The following TRPM6 variants were observed in gnomAD, a reference collection of about 807,000 sequenced individuals.
TRPM6 encodes transient receptor potential cation channel subfamily M member 6, also known as channel kinase 2.
A neutral mutation model predicts 247.6 loss-of-function variants in TRPM6; 111 were observed. The ratio of observed to expected loss-of-function variants is 0.45; its 90% CI spans 0.38 to 0.52. The LOEUF is 0.52. Ranked by LOEUF, TRPM6 falls within the 20% of genes least tolerant of loss-of-function variation. The probability of loss-of-function intolerance (pLI) is 0.00; values close to 1 mark genes in which losing one functional copy is unlikely to be tolerated. For synonymous variants in TRPM6, 892 were observed against 853.8 expected (o/e 1.04, Z -0.78); for missense variants, 2,126 against 2,421.5 (o/e 0.88, Z 2.56).
intron 36 of TRPM6, among the ~76,000 whole-genome samples, chr9:74,735,115 G>T (rs1487881237): frequency 1.3e-5 from 2 of 152,002 alleles, no homozygotes; most frequent in Non-Finnish European, 2.9e-5. Flanking sequence ...AGTTAACTCG[G>T]GAAGCTGAGG....
At chr9:74,774,370 C>G (rs776665614) in intron 24 of TRPM6, among the ~76,000 whole-genome samples, 2 of 152,156 alleles carry the variant, frequency 1.3e-5, no homozygotes, top group Non-Finnish European at 2.9e-5. Context: ...GGACGTCTCT[C>G]TATTAGCGGC....
chr9:74,817,743 G>C (rs936985189), intron 9 of TRPM6, among the ~76,000 whole-genome samples: 2 of 151,798 alleles, frequency 1.3e-5, no homozygotes, highest in Non-Finnish European at 2.9e-5. Context: ...CAAAAAAAGG[G>C]GGGGGGAGTC....
chr9:74,761,660 C>A (rs1224550074), intron 27 of TRPM6, 36 bp downstream of exon 27: 5 of 1,379,782 alleles, frequency 3.6e-6, no homozygotes, highest in Admixed American at 1.7e-5. Flanking sequence ...ACCTTGACTG[C>A]TCAAAACCTA....
chr9:74,763,744 G>C (rs1274180829), intron 25 of TRPM6, among the ~76,000 whole-genome samples: 1 of 152,160 alleles, frequency 6.6e-6, no homozygotes, highest in Non-Finnish European at 1.5e-5. Context: ...AATTTTTAAA[G>C]TTGTTTTGAA....
chr9:74,815,861 A>G (rs2117936680), intron 11 of TRPM6, among the ~76,000 whole-genome samples: 1 of 152,358 alleles, frequency 6.6e-6, no homozygotes, highest in East Asian at 1.9e-4. Context: ...GCTTGGCCCA[A>G]AAATAATATA....
intron 25 of TRPM6, among the ~76,000 whole-genome samples, chr9:74,766,908 C>A (rs1460422560): frequency 6.6e-6 from 1 of 151,794 alleles, no homozygotes; most frequent in Non-Finnish European, 1.5e-5. Context: ...GAAACTCCGT[C>A]TCAAAAAAAA....
intron 25 of TRPM6, among the ~76,000 whole-genome samples, chr9:74,769,896 T>C (rs1364686624): frequency 6.6e-6 from 1 of 152,044 alleles, no homozygotes; most frequent in East Asian, 1.9e-4. Flanking sequence ...CTCCGTAAGC[T>C]CCTAATACGA....
At chr9:74,792,322 G>C (rs1323626252) in intron 19 of TRPM6, among the ~76,000 whole-genome samples, 1 of 152,128 alleles carries the variant, frequency 6.6e-6, no homozygotes, top group Non-Finnish European at 1.5e-5. Flanking sequence ...TTTAGAGACA[G>C]GAGCAAAGCT....
At chr9:74,800,076 C>T (rs1828260634) in intron 17 of TRPM6, 178 bp downstream of exon 17, 2 of 648,684 alleles carry the variant, frequency 3.1e-6, no homozygotes, top group South Asian at 3.7e-5. Context: ...AGAGGAAGAC[C>T]AATCTTCTGT....
chr9:74,745,188 G>A (rs1825993750), intron 31 of TRPM6, among the ~76,000 whole-genome samples: 1 of 152,192 alleles, frequency 6.6e-6, no homozygotes, highest in Non-Finnish European at 1.5e-5. Context: ...CTGGAAGGTA[G>A]GGCCTTCATA....
In TRPM6 at chr9:74,761,762, C is replaced by T. The variant is rs41304234; in HGVS notation, c.4719G>A (p.Ala1573=). 386 of 1,614,038 alleles carry T rather than the reference C, an allele frequency of 2.4e-4. No individual in the cohort carries two copies. Among genetic ancestry groups the T allele is most frequent in the Admixed American group, 7.5e-4 (45 of 60,008 alleles). ...GTCTCCTGTCTTTGGTTAGCATTTT[C>T]GCTTTGACCCATGCTCCCTGCCCTA... ...SEIGQGAWVK[A]KMLTKDRRLS... The change falls in exon 27 of 39, where the codon GCG becomes GCA. Residue 1573 remains alanine (A), a synonymous_variant. Transcript: ENST00000360774.
intron 14 of TRPM6, among the ~76,000 whole-genome samples, chr9:74,806,447 C>T (rs977345922): frequency 1.5e-4 from 23 of 152,090 alleles, no homozygotes; most frequent in African/African-American, 5.5e-4. Flanking sequence ...CTTTGAACTG[C>T]TTTATTTAAG....
intron 1 of TRPM6, among the ~76,000 whole-genome samples, chr9:74,878,692 T>G (rs1479825657): frequency 6.6e-6 from 1 of 152,134 alleles, no homozygotes; most frequent in Non-Finnish European, 1.5e-5. Flanking sequence ...TGCACAGATA[T>G]CAATGTAAGG....
intron 36 of TRPM6, among the ~76,000 whole-genome samples, chr9:74,736,569 T>G (rs1825701771): frequency 6.6e-6 from 1 of 152,238 alleles, no homozygotes; most frequent in South Asian, 2.1e-4. Context: ...GTGGTGTAAC[T>G]GTTCATAATT....
At chr9:74,868,217 G>C (rs566019392) in intron 1 of TRPM6, among the ~76,000 whole-genome samples, 2 of 147,262 alleles carry the variant, frequency 1.4e-5, no homozygotes, top group Admixed American at 1.4e-4. Flanking sequence ...GTGTCCCGCC[G>C]GGTGTGGTGG....
At chr9:74,797,481 A>G (rs999973301) in intron 17 of TRPM6, among the ~76,000 whole-genome samples, 3 of 152,196 alleles carry the variant, frequency 2.0e-5, no homozygotes, top group African/African-American at 7.2e-5. Context: ...AATACAATGT[A>G]AATGCTATAT....
intron 31 of TRPM6, among the ~76,000 whole-genome samples, chr9:74,746,677 GA>G (rs1183518622): frequency 3.9e-5 from 6 of 152,308 alleles, no homozygotes; most frequent in African/African-American, 1.2e-4. Context: ...AATTCTGATA[GA>G]AACATAGGAA....
At chr9:74,843,441 T>C (rs1830007493) in intron 3 of TRPM6, among the ~76,000 whole-genome samples, 1 of 152,156 alleles carries the variant, frequency 6.6e-6, no homozygotes, top group East Asian at 1.9e-4. Flanking sequence ...AGTTTTCAGT[T>C]TACTTTGTCC....
At chr9:74,735,597 A>T (rs1329001308) in intron 36 of TRPM6, among the ~76,000 whole-genome samples, 2 of 152,174 alleles carry the variant, frequency 1.3e-5, no homozygotes, top group African/African-American at 4.8e-5. Flanking sequence ...AATATCTCCA[A>T]ATTAATGTTG....
Sources: allele counts gnomAD v4.1 joint callset (sites outside exome capture counted in the v4.1 genomes callset), GRCh38; gene constraint gnomAD v4.1.1; transcripts MANE v1.5; gene names NCBI Gene and HGNC (gene_info 2026-07-23, HGNC 2026-07-21).